Variants in MOSMO observed in about 807,000 individuals in gnomAD.
MOSMO encodes modulator of smoothened protein.
A neutral mutation model predicts 18.4 loss-of-function variants in MOSMO; 5 were observed. The ratio of observed to expected loss-of-function variants is 0.27; its 90% confidence interval spans 0.14 to 0.57. The LOEUF is 0.57. Ranked by LOEUF, MOSMO falls within the 20% of genes least tolerant of loss-of-function variation. The pLI is 0.92. For synonymous variants in MOSMO, 82 were observed against 82.3 expected, an observed-to-expected ratio of 1.00 and a Z score of 0.02; for missense variants, 138 against 211.8, an observed-to-expected ratio of 0.65 and a Z score of 2.16.
At chr16:22,019,985 G>A (rs543443602) in intron 1 of MOSMO, among the ~76,000 whole-genome samples, 117 of 151,720 alleles carry the variant, frequency 7.7e-4, no homozygotes, top group African/African-American at 2.7e-3. Flanking sequence ...AGGCCGAGGC[G>A]GGCAGATCAG....
downstream of MOSMO, among the ~76,000 whole-genome samples, chr16:22,089,076 CATT>C (rs1012488059): frequency 4.0e-5 from 6 of 151,826 alleles, no homozygotes; most frequent in East Asian, 9.6e-4. Flanking sequence ...ATTCCCCTCT[CATT>C]GTTGAGCTTT....
At chr16:22,030,549 T>C in intron 1 of MOSMO, among the ~76,000 whole-genome samples, 1 of 152,190 alleles carries the variant, frequency 6.6e-6, no homozygotes, top group African/African-American at 2.4e-5. Flanking sequence ...CCTCTCCCTG[T>C]TTTTTGAGAC....
chr16:22,008,429 C>T (rs781770795), intron 1 of MOSMO, 22 bp downstream of exon 1: 85 of 1,253,560 alleles, frequency 6.8e-5, no homozygotes, highest in Middle Eastern at 5.6e-4. Flanking sequence ...GCGCGCCGGG[C>T]CGGGCGGGGG....
intron 1 of MOSMO, among the ~76,000 whole-genome samples, chr16:22,056,365 C>CTTTTTTTTTT (rs35642716): frequency 4.2e-4 from 23 of 54,596 alleles, no homozygotes; most frequent in Non-Finnish European, 4.3e-4. Flanking sequence ...TTCTTTCTTT[C>CTTTTTTTTTT]TTTTTTTTTT....
intron 1 of MOSMO, among the ~76,000 whole-genome samples, chr16:22,016,185 C>G (rs1030569599): frequency 1.3e-5 from 2 of 151,966 alleles, no homozygotes; most frequent in African/African-American, 4.8e-5. Context: ...TCTTGGATTC[C>G]TTTTTTATTA....
intron 1 of MOSMO, among the ~76,000 whole-genome samples, chr16:22,058,007 A>G (rs1263382288): frequency 7.2e-5 from 11 of 152,224 alleles, no homozygotes; most frequent in Non-Finnish European, 1.2e-4. Context: ...GTCTGAAAAA[A>G]AAGGCATAGT....
At chr16:22,023,313 TTC>T (rs1567500969) in intron 1 of MOSMO, among the ~76,000 whole-genome samples, 1 of 152,188 alleles carries the variant, frequency 6.6e-6, no homozygotes, top group Admixed American at 6.5e-5. Flanking sequence ...CTCATACTCT[TTC>T]TGAGGTTCTT....
chr16:22,046,020 C>CT (rs968135864), intron 1 of MOSMO, among the ~76,000 whole-genome samples: 29 of 148,516 alleles, frequency 2.0e-4, no homozygotes, highest in African/African-American at 7.2e-4. Context: ...AATGCTATCT[C>CT]TCCCCCCTCC....
At chr16:22,063,188 G>A (rs1167563515) in intron 1 of MOSMO, among the ~76,000 whole-genome samples, 3 of 152,124 alleles carry the variant, frequency 2.0e-5, no homozygotes, top group African/African-American at 7.2e-5. Flanking sequence ...TCCAGAACCT[G>A]AACTCGAACT....
At chr16:22,008,789 T>C (rs1899451450) in intron 1 of MOSMO, among the ~76,000 whole-genome samples, 1 of 144,564 alleles carries the variant, frequency 6.9e-6, no homozygotes, top group South Asian at 2.2e-4. Flanking sequence ...GGGAGGAAAC[T>C]GAGGCTCCTG....
downstream of MOSMO, among the ~76,000 whole-genome samples, chr16:22,088,203 T>A (rs551357480): frequency 4.2e-4 from 63 of 150,898 alleles, 1 homozygote; most frequent in East Asian, 7.4e-3. Flanking sequence ...AAAAAAAAAA[T>A]TTTTTTTTAT....
downstream of MOSMO, among the ~76,000 whole-genome samples, chr16:22,088,181 G>A (rs927839117): frequency 1.7e-4 from 26 of 151,830 alleles, no homozygotes; most frequent in Admixed American, 8.5e-4. Context: ...ATGCCACCAC[G>A]GCCTGCTAAT....
rs529295509 is a variant in MOSMO, at chr16:22,063,115, A to G, written c.107-12372A>G. ...GTGATCCACCCGCCTCAGCCTCCCA[A>G]AGTGCTGGGATTACAGGCGTGAGCC... On this transcript the variant is annotated intron_variant, in intron 1 of 2. Transcript: ENST00000542527. 2.1e-3 allele frequency among the ~76,000 whole-genome samples: 319 copies of G among 152,204 alleles called. 1 individual carries two copies. Among genetic ancestry groups the G allele is most frequent in the Non-Finnish European group, 3.3e-3 (225 of 67,996 alleles).
At chr16:22,015,361 C>G (rs1899616718) in intron 1 of MOSMO, among the ~76,000 whole-genome samples, 2 of 152,092 alleles carry the variant, frequency 1.3e-5, no homozygotes, top group South Asian at 4.1e-4. Flanking sequence ...ACTATAGATG[C>G]ACGCTGCCAC....
At chr16:22,080,655 C>T (rs1901061034) in intron 2 of MOSMO, 41 bp from the exon 3 acceptor site, 3 of 1,283,052 alleles carry the variant, frequency 2.3e-6, no homozygotes, top group South Asian at 3.7e-5. Flanking sequence ...TTGAAATCAC[C>T]AAACCATGTT....
At chr16:22,077,845 A>G (rs1447854746) in intron 2 of MOSMO, among the ~76,000 whole-genome samples, 1 of 152,058 alleles carries the variant, frequency 6.6e-6, no homozygotes, top group East Asian at 1.9e-4. Context: ...GCTTCCTTAA[A>G]TACATTGTTT....
chr16:22,066,887 A>G (rs1299253725), intron 1 of MOSMO, among the ~76,000 whole-genome samples: 1 of 152,196 alleles, frequency 6.6e-6, no homozygotes, highest in Non-Finnish European at 1.5e-5. Flanking sequence ...ACACAGGAAA[A>G]ATAAAAGCGT....
At chr16:22,032,900 T>C (rs1278583295) in intron 1 of MOSMO, among the ~76,000 whole-genome samples, 1 of 152,150 alleles carries the variant, frequency 6.6e-6, no homozygotes, top group African/African-American at 2.4e-5. Flanking sequence ...TTCTTTTGCA[T>C]GTGAATATCC....
At chr16:22,076,724 T>C (rs1399130907) in intron 2 of MOSMO, among the ~76,000 whole-genome samples, 1 of 152,248 alleles carries the variant, frequency 6.6e-6, no homozygotes, top group Non-Finnish European at 1.5e-5. Context: ...CTTGTATCCC[T>C]ATTAATGTTA....
Sources: allele counts gnomAD v4.1 joint callset (sites outside exome capture counted in the v4.1 genomes callset), GRCh38; gene constraint gnomAD v4.1.1; transcripts MANE v1.5; gene names NCBI Gene and HGNC (gene_info 2026-07-23, HGNC 2026-07-21).